The following LTBP1 variants were observed in gnomAD, a reference collection of about 807,000 sequenced individuals.
LTBP1 encodes the protein latent-transforming growth factor beta-binding protein 1.
In LTBP1, 129 loss-of-function variants were observed where a neutral mutation model predicts 207.6. The ratio of observed to expected loss-of-function variants is 0.62; its 90% CI spans 0.54 to 0.72. The LOEUF (loss-of-function observed/expected upper bound fraction) is 0.72. Ranked by LOEUF, LTBP1 falls within the 30% of genes least tolerant of loss-of-function variation. The pLI is 0.00. For missense variants in LTBP1, 2,281 were observed against 2,217.2 expected, an observed-to-expected ratio of 1.03 and a Z score of -0.58; for synonymous variants, 963 against 833.7, an observed-to-expected ratio of 1.16 and a Z score of -2.67.
chr2:33,255,210 G>T (rs1464721257), intron 11 of LTBP1, among the ~76,000 whole-genome samples: 2 of 150,986 alleles, frequency 1.3e-5, no homozygotes, highest in Admixed American at 6.6e-5. Flanking sequence ...AGTTTACTGA[G>T]AATGATGGTT....
chr2:33,095,176 T>C lies in LTBP1; in HGVS notation c.864-15406T>C, dbSNP rs2079319239. Among the ~76,000 whole-genome samples the C allele has an allele frequency of 2.6e-5, 4 of 152,220 alleles. No homozygotes were observed. In the South Asian group the frequency reaches 8.3e-4, roughly 32 times the overall value. Reference sequence around the variant, plus strand: ...TTTTAAGATATAGATGGGGCAAATTTTTCTTATCAGACTAATGGCACTACA... The same window carrying C: ...TTTTAAGATATAGATGGGGCAAATTCTTCTTATCAGACTAATGGCACTACA... On this transcript the variant is annotated intron_variant, in intron 3 of 33. Transcript: ENST00000404816.
At chr2:32,951,209 T>G (rs561208273) in intron 2 of LTBP1, among the ~76,000 whole-genome samples, 3 of 152,372 alleles carry the variant, frequency 2.0e-5, no homozygotes, top group Non-Finnish European at 4.4e-5. Context: ...CTAAGCAATG[T>G]GACATCACTT....
intron 24 of LTBP1, among the ~76,000 whole-genome samples, chr2:33,330,132 G>A (rs2094476779): frequency 6.6e-6 from 1 of 152,040 alleles, no homozygotes; most frequent in African/African-American, 2.4e-5. Context: ...TTTGCATGTG[G>A]TTGTGAATGG....
At chr2:33,280,827 G>C (rs531030646) in intron 19 of LTBP1, among the ~76,000 whole-genome samples, 1 of 152,190 alleles carries the variant, frequency 6.6e-6, no homozygotes, top group East Asian at 1.9e-4. Flanking sequence ...CCAGAACTTT[G>C]GAAGGCCGAG....
At chr2:33,049,291 A>G (rs2076608046) in intron 3 of LTBP1, among the ~76,000 whole-genome samples, 1 of 152,246 alleles carries the variant, frequency 6.6e-6, no homozygotes, top group Admixed American at 6.5e-5. Context: ...TGTAAGACCA[A>G]TGAAATGACA....
intron 2 of LTBP1, among the ~76,000 whole-genome samples, chr2:32,982,857 A>T (rs1192432769): frequency 6.6e-6 from 1 of 152,222 alleles, no homozygotes; most frequent in Non-Finnish European, 1.5e-5. Flanking sequence ...TCCAGGAAGA[A>T]GTTTGCTGCA....
At chr2:33,279,754 A>C in intron 18 of LTBP1, among the ~76,000 whole-genome samples, 1 of 152,192 alleles carries the variant, frequency 6.6e-6, no homozygotes, top group East Asian at 1.9e-4. Flanking sequence ...AATTGGCCCT[A>C]GAGGAGCTGC....
chr2:33,363,252 A>G, intron 28 of LTBP1, 138 bp from the exon 29 acceptor site: 1 of 780,476 alleles, frequency 1.3e-6, no homozygotes, highest in Non-Finnish European at 2.0e-6. Flanking sequence ...TAAGAAGGTT[A>G]TATTGCTGTT....
intron 7 of LTBP1, among the ~76,000 whole-genome samples, chr2:33,200,946 A>G (rs1016568683): frequency 2.0e-5 from 3 of 152,248 alleles, no homozygotes; most frequent in African/African-American, 7.2e-5. Flanking sequence ...GACACCAGTT[A>G]GAATGGCAAT....
chr2:33,361,617 C>A (rs2094928184), intron 28 of LTBP1, 102 bp downstream of exon 28: 3 of 757,922 alleles, frequency 4.0e-6, no homozygotes, highest in Non-Finnish European at 4.3e-6. Context: ...TCTTTTTAGT[C>A]ATGAAAACTG....
intron 11 of LTBP1, among the ~76,000 whole-genome samples, chr2:33,254,852 GTTTTTT>G (rs70938393): frequency 4.9e-3 from 51 of 10,354 alleles, no homozygotes; most frequent in African/African-American, 0.023. Flanking sequence ...GCGGTGTTTG[GTTTTTT>G]TTTTTTTTTT....
At chr2:33,135,695 T>C (rs1016229423) in intron 5 of LTBP1, among the ~76,000 whole-genome samples, 1 of 152,244 alleles carries the variant, frequency 6.6e-6, no homozygotes, top group Non-Finnish European at 1.5e-5. Flanking sequence ...ATTTTTGTTT[T>C]TTACTTTTTT....
rs553926292 is a variant in LTBP1, at chr2:33,050,665, CAG to C, written c.863+29461_863+29462del. On this transcript the variant is annotated intron_variant, in intron 3 of 33. Coordinates refer to ENST00000404816, the MANE Select transcript of LTBP1 (RefSeq NM_206943.4). ...TGTCTAAGAGTCCTGGGCCTGGAAACAGAACATTTGGGTTCAGGTTTCCTCTT... is the reference window on the plus strand; with the variant it reads ...TGTCTAAGAGTCCTGGGCCTGGAAACAACATTTGGGTTCAGGTTTCCTCTT... Among the ~76,000 whole-genome samples, 14 of 152,136 alleles carry C rather than the reference CAG, an allele frequency of 9.2e-5. No individual in the cohort carries two copies. The South Asian group carries it at 2.3e-3, about 25-fold the overall frequency.
At position 33,300,552 on chromosome 2, in the gene LTBP1, G is replaced by A. The variant is rs2093969252; in HGVS notation, c.3337G>A (p.Ala1113Thr). The A allele has an allele frequency of 6.2e-7, 1 of 1,613,330 alleles. No individual in the cohort carries two copies. The highest frequency in any genetic ancestry group is 1.3e-5 in the African/African-American group (1 of 74,900). The stretch of plus-strand genomic sequence containing the variant: ...CTGTGGACAGGGGTACCAGCTGTCG[G>A]CAGCTAAAGACCAGTGTGAAGGTAA... ...CTCGQGYQLSAAKDQCEDIDE... is the reference protein window; with the variant it reads ...CTCGQGYQLSTAKDQCEDIDE... The change falls in exon 21 of 34, where the codon GCA becomes ACA. Residue 1113 changes from alanine to threonine, a missense_variant. Physicochemically the swap from Ala to Thr is moderately conservative, Grantham distance 58. This residue lies in a region of LTBP1 where 1,671 missense variants were observed against 1,634.8 expected (regional missense o/e 1.02). Transcript: ENST00000404816.
chr2:33,163,648 A>G (rs540135633), intron 5 of LTBP1, among the ~76,000 whole-genome samples: 12 of 152,334 alleles, frequency 7.9e-5, no homozygotes, highest in African/African-American at 2.9e-4. Flanking sequence ...CGACTTGATC[A>G]TTGTGTGTTA....
At chr2:33,342,796 CTGTGTTTGTTT>C in intron 24 of LTBP1, 31 bp from the exon 25 acceptor site, 1 of 1,601,084 alleles carries the variant, frequency 6.2e-7, no homozygotes, top group Non-Finnish European at 8.5e-7. Context: ...GTTTGTCAGC[CTGTGTTTGTTT>C]TGTGTCTGAT....
chr2:33,174,466 T>C (rs1454120881), intron 5 of LTBP1, among the ~76,000 whole-genome samples: 1 of 152,086 alleles, frequency 6.6e-6, no homozygotes, highest in Admixed American at 6.6e-5. Flanking sequence ...GAAGGACCTC[T>C]TCAAGGAGAA....
intron 3 of LTBP1, among the ~76,000 whole-genome samples, chr2:33,030,113 A>G (rs2075623226): frequency 6.6e-6 from 1 of 152,162 alleles, no homozygotes; most frequent in African/African-American, 2.4e-5. Flanking sequence ...AAGTGCTGGT[A>G]TTTGGAGGTT....
intron 33 of LTBP1, among the ~76,000 whole-genome samples, chr2:33,397,506 C>CTTTTTT (rs35219261): frequency 3.2e-4 from 36 of 112,098 alleles, no homozygotes; most frequent in African/African-American, 5.3e-4. Context: ...TACCACAATT[C>CTTTTTT]TTTTTTTTTT....
Sources: gnomAD v4.1 joint callset for allele counts (sites outside exome capture counted in the v4.1 genomes callset) on GRCh38, gnomAD v4.1.1 for gene constraint, gnomAD v4.1.1 regional missense constraint, MANE v1.5 for transcripts, NCBI Gene and HGNC (gene_info 2026-07-23, HGNC 2026-07-21) for gene names.